Variants in AGTPBP1 observed in about 807,000 individuals in gnomAD.
AGTPBP1 encodes the protein ATP/GTP binding carboxypeptidase 1, also known as cytosolic carboxypeptidase 1.
A neutral mutation model predicts 143.9 loss-of-function variants in AGTPBP1; 70 were observed. That is an observed-to-expected ratio of 0.49 (90% CI 0.40 to 0.59). AGTPBP1 has a LOEUF of 0.59. Ranked by LOEUF, AGTPBP1 falls within the 20% of genes least tolerant of loss-of-function variation. The pLI, the probability that AGTPBP1 is intolerant of heterozygous loss-of-function variation, is 0.00. For synonymous variants in AGTPBP1, 463 were observed against 500.2 expected (o/e 0.93, Z 0.99); for missense variants, 1,229 against 1,464.5 (o/e 0.84, Z 2.62).
At chr9:85,580,488 A>C (rs1307602061) in intron 23 of AGTPBP1, among the ~76,000 whole-genome samples, 3 of 152,000 alleles carry the variant, frequency 2.0e-5, no homozygotes, top group Admixed American at 6.6e-5. Context: ...TGACCTGAAC[A>C]AAAGTAAGCA....
At chr9:85,712,960 G>C (rs1837476620) in intron 1 of AGTPBP1, among the ~76,000 whole-genome samples, 2 of 152,122 alleles carry the variant, frequency 1.3e-5, no homozygotes, top group African/African-American at 4.8e-5. Flanking sequence ...TCACACAGTA[G>C]TCAAATACTA....
At chr9:85,797,603 C>T in the AGTPBP1 span, among the ~76,000 whole-genome samples, 2 of 152,122 alleles carry the variant, frequency 1.3e-5, no homozygotes, top group African/African-American at 4.8e-5. Context: ...CTTCCTGGAA[C>T]CTCCCTTCAC....
At chr9:85,758,166 G>A in the AGTPBP1 span, among the ~76,000 whole-genome samples, 1 of 152,018 alleles carries the variant, frequency 6.6e-6, no homozygotes, top group African/African-American at 2.4e-5. Flanking sequence ...GGACATTTCA[G>A]GAATGCCACT....
rs920601696 is a variant in AGTPBP1 at position 85,638,536 on chromosome 9, T to C, written c.1302+4291A>G. Among the ~76,000 whole-genome samples the C allele has an allele frequency of 4.6e-5, 7 of 152,158 alleles. No homozygotes were observed. The South Asian group carries it at 1.5e-3, about 32-fold the overall frequency. On this transcript the variant is annotated intron_variant, in intron 13 of 25. Transcript: ENST00000357081. Reference sequence around the variant, plus strand: ...AGTAATTATATGTAAATGATCTAAATGCTCCAGTTAAATGACAAAACTCAG... The same window carrying C: ...AGTAATTATATGTAAATGATCTAAACGCTCCAGTTAAATGACAAAACTCAG...
upstream of AGTPBP1, among the ~76,000 whole-genome samples, chr9:85,744,197 C>T (rs1411603890): frequency 1.3e-5 from 2 of 152,076 alleles, no homozygotes; most frequent in African/African-American, 2.4e-5. Context: ...TCCCAAAATG[C>T]TGAGATTACA....
intron 1 of AGTPBP1, among the ~76,000 whole-genome samples, chr9:85,720,455 A>T (rs1189210574): frequency 6.6e-6 from 1 of 152,086 alleles, no homozygotes; most frequent in Non-Finnish European, 1.5e-5. Flanking sequence ...GCATAGAACT[A>T]TTTATAGTAT....
chr9:85,753,713 C>T, the AGTPBP1 span, among the ~76,000 whole-genome samples: 4 of 151,962 alleles, frequency 2.6e-5, no homozygotes, highest in Non-Finnish European at 4.4e-5. Flanking sequence ...GACCATGCCA[C>T]TGCACTCCAG....
Position 85,586,895 on chromosome 9 carries a change from T to C in AGTPBP1, c.2969A>G (p.His990Arg). Residue 990 changes from histidine (H) to arginine (R), a missense_variant, in exon 22 of 26, where the codon CAT (histidine) becomes CGT (arginine). Transcript: ENST00000357081. ...RQWQSPSPDLHPTIYHAKGLL... is the reference protein window; with the variant it reads ...RQWQSPSPDLRPTIYHAKGLL... Reference sequence around the variant, plus strand: ...CCCCTTAGCATGGTAAATTGTAGGATGTAAATCCGGACTTGGACTTTGCCA... The same window carrying C: ...CCCCTTAGCATGGTAAATTGTAGGACGTAAATCCGGACTTGGACTTTGCCA... 6.2e-7 allele frequency: 1 copy of C among 1,614,118 alleles called. No individual in the cohort carries two copies. Among genetic ancestry groups the C allele is most frequent in the Non-Finnish European group, 8.5e-7 (1 of 1,179,978 alleles).
rs770425866 is a variant in AGTPBP1 at position 85,681,258 on chromosome 9, A to C, written c.225+10T>G. The C allele has an allele frequency of 3.1e-6, 5 of 1,611,548 alleles. No homozygotes were observed. The highest frequency in any genetic ancestry group is 4.2e-6 in the Non-Finnish European group (5 of 1,178,976). ...AGTAGTTACATAATTAAAGCGTGTC[A>C]CTGATTTACCTCTAATGTTGACAGC... On this transcript the variant is annotated intron_variant, in intron 4 of 25. Transcript: ENST00000357081.
intron 8 of AGTPBP1, among the ~76,000 whole-genome samples, chr9:85,663,184 G>A (rs558381214): frequency 6.6e-6 from 1 of 152,294 alleles, no homozygotes; most frequent in South Asian, 2.1e-4. Flanking sequence ...TTTTCAGCGA[G>A]TTGTGTTTGA....
At chr9:85,779,188 GATATAGATATAGATATAGATATAGA>G in the AGTPBP1 span, among the ~76,000 whole-genome samples, 2 of 28,196 alleles carry the variant, frequency 7.1e-5, no homozygotes. Context: ...TATAGATATA[GATATAGATATAGATATAGATATAGA>G]TATAGATATA....
intron 17 of AGTPBP1, among the ~76,000 whole-genome samples, chr9:85,609,811 C>T (rs2133415867): frequency 6.6e-6 from 1 of 152,020 alleles, no homozygotes; most frequent in African/African-American, 2.4e-5. Context: ...ATGATAGCAA[C>T]AAATTATAAC....
At chr9:85,572,439 A>G (rs1023745033) in intron 25 of AGTPBP1, among the ~76,000 whole-genome samples, 1 of 152,208 alleles carries the variant, frequency 6.6e-6, no homozygotes, top group East Asian at 1.9e-4. Context: ...ACTCCTTCTC[A>G]TAATACTTTT....
At chr9:85,609,453 T>A (rs911002185) in intron 17 of AGTPBP1, among the ~76,000 whole-genome samples, 1 of 152,112 alleles carries the variant, frequency 6.6e-6, no homozygotes, top group Admixed American at 6.5e-5. Context: ...AGGCTCATTT[T>A]TGTATTTTTA....
In AGTPBP1 at chr9:85,679,231, A is replaced by G. The variant is rs76577033; in HGVS notation, c.226-833T>C. Among the ~76,000 whole-genome samples, 52 of 152,326 alleles carry G rather than the reference A, an allele frequency of 3.4e-4. No individual in the cohort carries two copies. The East Asian group carries it at 8.3e-3, about 24-fold the overall frequency. ...GTGACTATTTCTCCAAGTTTGGACA[A>G]CTAATCTAATAAGTGAAAATGTTTA... On this transcript the variant is annotated intron_variant, in intron 4 of 25. Coordinates refer to ENST00000357081, the MANE Select transcript of AGTPBP1 (RefSeq NM_001330701.2).
At chr9:85,594,445 G>A (rs992005483) in intron 18 of AGTPBP1, among the ~76,000 whole-genome samples, 6 of 152,186 alleles carry the variant, frequency 3.9e-5, no homozygotes, top group South Asian at 4.2e-4. Flanking sequence ...AAAATTAGCC[G>A]GTTCACAACT....
chr9:85,723,178 G>A (rs1341909582), intron 1 of AGTPBP1, among the ~76,000 whole-genome samples: 1 of 152,194 alleles, frequency 6.6e-6, no homozygotes, highest in Non-Finnish European at 1.5e-5. Flanking sequence ...GAGCTCAAAC[G>A]CCATGCTGGG....
At chr9:85,740,866 A>C (rs1388130563) in intron 1 of AGTPBP1, among the ~76,000 whole-genome samples, 1 of 152,220 alleles carries the variant, frequency 6.6e-6, no homozygotes, top group Non-Finnish European at 1.5e-5. Flanking sequence ...GCACTTGAGT[A>C]AGCTATGTTA....
At chr9:85,552,988 ATCTT>A (rs1251354923) in intron 25 of AGTPBP1, among the ~76,000 whole-genome samples, 4 of 152,296 alleles carry the variant, frequency 2.6e-5, no homozygotes, top group Non-Finnish European at 5.9e-5. Flanking sequence ...GTGAAAGAAA[ATCTT>A]TCTATTTGTA....
Sources: allele counts gnomAD v4.1 joint callset (sites outside exome capture counted in the v4.1 genomes callset), GRCh38; gene constraint gnomAD v4.1.1; transcripts MANE v1.5; gene names NCBI Gene and HGNC (gene_info 2026-07-23, HGNC 2026-07-21).